Variants in GCSH observed in about 807,000 individuals in gnomAD.
GCSH encodes glycine cleavage system H protein, mitochondrial.
Under a neutral mutation model 21.3 loss-of-function variants are expected in GCSH, and 15 were observed. The observed-to-expected ratio is 0.70, with a 90% confidence interval of 0.47 to 1.08. The LOEUF (loss-of-function observed/expected upper bound fraction) is 1.08, where lower values mean the gene tolerates loss of function less well. GCSH is among the 50% of genes least tolerant of loss of function. GCSH has a pLI of 0.00. For missense variants in GCSH, 179 were observed against 217.5 expected (o/e 0.82, Z 1.11); for synonymous variants, 59 against 84.5 (o/e 0.70, Z 1.66).
At chr16:81,087,564 A>T in intron 3 of GCSH, 37 bp downstream of exon 3, 3 of 1,399,764 alleles carry the variant, frequency 2.1e-6, no homozygotes. Context: ...AACAAAATTC[A>T]TGGCATGGAT....
At chr16:81,090,471 C>G (rs1972376545) in intron 2 of GCSH, 130 bp downstream of exon 2, 2 of 720,684 alleles carry the variant, frequency 2.8e-6, no homozygotes, top group Non-Finnish European at 5.1e-6. Context: ...ATCCTCCTGC[C>G]TCAGCCTCCC....
intron 2 of GCSH, among the ~76,000 whole-genome samples, chr16:81,089,274 T>A (rs551892465): frequency 6.6e-6 from 1 of 152,332 alleles, no homozygotes; most frequent in East Asian, 1.9e-4. Context: ...ACTTAATACA[T>A]GAGCACTCCT....
At chr16:81,091,979 T>C (rs1010381858) in intron 1 of GCSH, among the ~76,000 whole-genome samples, 1 of 152,132 alleles carries the variant, frequency 6.6e-6, no homozygotes, top group Non-Finnish European at 1.5e-5. Flanking sequence ...CTAAAGTTCA[T>C]ACCCCTTCAG....
chr16:81,087,184 G>C (rs1972298754), intron 3 of GCSH, among the ~76,000 whole-genome samples: 1 of 151,932 alleles, frequency 6.6e-6, no homozygotes. Flanking sequence ...TCCTGTCTCA[G>C]CCTCTGAGTA....
chr16:81,084,303 T>C (rs923696038), intron 4 of GCSH, 160 bp downstream of exon 4: 6 of 699,162 alleles, frequency 8.6e-6, no homozygotes, highest in Non-Finnish European at 1.3e-5. Context: ...TAACTTTAAG[T>C]ATTCAACTAA....
Position 81,083,012 on chromosome 16 carries a change from C to A in GCSH, c.425-49G>T. On this transcript the variant is annotated intron_variant, in intron 4 of 4. Transcript: ENST00000315467. ...ATTCCACATTAACTTTTTAAAAAGT[C>A]AAATTCATCCAAAACGTAAAATAAA... The A allele has an allele frequency of 2.8e-6, 3 of 1,073,562 alleles. No individual in the cohort carries two copies. The South Asian group carries it at 3.7e-5, about 13-fold the overall frequency. 66.5% of individuals were successfully genotyped at this position (1,073,562 alleles called of 1,614,324 possible). A position where few individuals can be genotyped will look rare whatever the true frequency, so the allele number is the denominator to read the frequency against.
At chr16:81,091,049 TG>T (rs1972387418) in intron 1 of GCSH, 1 of 451,412 alleles carries the variant, frequency 2.2e-6, no homozygotes. Flanking sequence ...AAGACAAATT[TG>T]GGGTGATGAG....
chr16:81,091,900 G>C (rs1972407014), intron 1 of GCSH, among the ~76,000 whole-genome samples: 1 of 152,054 alleles, frequency 6.6e-6, no homozygotes, highest in Non-Finnish European at 1.5e-5. Flanking sequence ...ATAATAGTGT[G>C]TGAGCCACCG....
rs909205502 is a variant in GCSH, at chr16:81,083,008, A to T, written c.425-45T>A. 11 of 1,173,794 alleles carry T rather than the reference A, an allele frequency of 9.4e-6. No individual in the cohort carries two copies. The African/African-American group carries it at 1.7e-4, about 18-fold the overall frequency. 72.7% of individuals were successfully genotyped at this position (1,173,794 alleles called of 1,614,324 possible). On this transcript the variant is annotated intron_variant, in intron 4 of 4. Coordinates refer to ENST00000315467, the MANE Select transcript of GCSH (RefSeq NM_004483.5). ...TTATATTCCACATTAACTTTTTAAA[A>T]AGTCAAATTCATCCAAAACGTAAAA...
At chr16:81,093,151 G>T (rs1054997053) in intron 1 of GCSH, among the ~76,000 whole-genome samples, 1 of 151,508 alleles carries the variant, frequency 6.6e-6, no homozygotes, top group Non-Finnish European at 1.5e-5. Flanking sequence ...GTTGCAGAAT[G>T]ACGTGATTTT....
At chr16:81,088,250 C>T (rs1373633104) in intron 2 of GCSH, among the ~76,000 whole-genome samples, 2 of 152,094 alleles carry the variant, frequency 1.3e-5, no homozygotes. Context: ...ATAGCAAGAC[C>T]CTGTTCTCCA....
rs1047237991 is a variant in GCSH at position 81,096,160 on chromosome 16, G to C, written c.119C>G (p.Thr40Arg). ...PWQLGVGAVR[T>R]LRTGPALLSV... ...GAGCAGAGCGGGTCCAGTGCGCAGC[G>C]TACGGACGGCGCCCACCCCCAGCTG... The change falls in exon 1 of 5, where the codon ACG becomes AGG. Residue 40 changes from threonine to arginine, a missense_variant. Thr to Arg is a moderately conservative substitution (Grantham distance 71). Transcript: ENST00000315467. 1.5e-6 allele frequency: 2 copies of C among 1,314,124 alleles called. No homozygotes were observed. Among genetic ancestry groups the C allele is most frequent in the Non-Finnish European group, 1.9e-6 (2 of 1,037,668 alleles). The allele number at this position is 1,314,124 out of a possible 1,614,324, so 81.4% of individuals were successfully genotyped here.
At chr16:81,094,948 C>G (rs1972470785) in intron 1 of GCSH, among the ~76,000 whole-genome samples, 1 of 151,956 alleles carries the variant, frequency 6.6e-6, no homozygotes, top group African/African-American at 2.4e-5. Context: ...CAAAACTCAG[C>G]TGGAGGTGGT....
Position 81,084,465 on chromosome 16 carries a change from T to A in GCSH, c.422A>T (p.Asp141Val), listed in dbSNP as rs1340693619. ...AGAAATTTCTAGCAACAGCTTACCA[T>A]CTTCATAACAAGATTTGTTTACAAG... The part of the protein sequence containing the change: ...PGLVNKSCYE[D>V]GWLIKMTLSN... The change falls in exon 4 of 5, where the codon GAT (aspartate) becomes GTT (valine). Residue 141 changes from aspartate (D) to valine (V), a missense_variant and splice_region_variant. Physicochemically the swap from Asp to Val is radical, Grantham distance 152 (BLOSUM62 -3). Coordinates refer to ENST00000315467, the MANE Select transcript of GCSH (RefSeq NM_004483.5). 6.2e-7 allele frequency: 1 copy of A among 1,608,630 alleles called. No individual in the cohort carries two copies. Among genetic ancestry groups the A allele is most frequent in the South Asian group, 1.1e-5 (1 of 90,980 alleles).
At chr16:81,090,575 A>G (rs1972378239) in intron 2 of GCSH, 26 bp downstream of exon 2, 2 of 1,450,480 alleles carry the variant, frequency 1.4e-6, no homozygotes, top group Non-Finnish European at 9.7e-7. Context: ...GCACACTGGG[A>G]CAAATATTTC....
At chr16:81,094,409 G>T (rs6420418) in intron 1 of GCSH, among the ~76,000 whole-genome samples, 126,316 of 151,252 alleles carry the variant, frequency 0.84, 53,984 homozygotes, top group South Asian at 0.97. Context: ...ACAGGCTGAG[G>T]CAGGAGAAGT....
At position 81,082,575 on chromosome 16, in the gene GCSH, G is replaced by C; in HGVS notation, c.*291C>G. ...GCTTAAGAATAACAATGTTATCTTT[G>C]AATTATGTAATTTTTATAACTAGTT... On this transcript the variant is annotated 3_prime_UTR_variant, in exon 5 of 5. Coordinates refer to ENST00000315467, the MANE Select transcript of GCSH (RefSeq NM_004483.5). 2.9e-6 allele frequency: 1 copy of C among 339,194 alleles called. No individual in the cohort carries two copies. The highest frequency in any genetic ancestry group is 5.4e-6 in the Non-Finnish European group (1 of 184,004). 21.0% of individuals were successfully genotyped at this position (339,194 alleles called of 1,614,324 possible).
chr16:81,081,998 G>A lies in GCSH; in HGVS notation c.*868C>T, dbSNP rs1403220716. ...CCACTTTTATTCCCATGACTTAAGT[G>A]GAAACCTGAACGTGGTTTAACAACT... On this transcript the variant is annotated 3_prime_UTR_variant, in exon 5 of 5. Coordinates refer to ENST00000315467, the MANE Select transcript of GCSH (RefSeq NM_004483.5). The A allele has an allele frequency of 6.6e-6, 3 of 453,048 alleles. No homozygotes were observed. Among genetic ancestry groups the A allele is most frequent in the African/African-American group, 2.0e-5 (1 of 49,710 alleles). 28.1% of individuals were successfully genotyped at this position (453,048 alleles called of 1,614,324 possible). A position where few individuals can be genotyped will look rare whatever the true frequency, so the allele number is the denominator to read the frequency against.
At chr16:81,086,552 G>A (rs931443987) in intron 3 of GCSH, among the ~76,000 whole-genome samples, 6 of 151,092 alleles carry the variant, frequency 4.0e-5, no homozygotes, top group African/African-American at 9.8e-5. Flanking sequence ...GCAAGACTCC[G>A]TCTCAAAAAA....
Sources: gnomAD v4.1 joint callset for allele counts (sites outside exome capture counted in the v4.1 genomes callset) on GRCh38, gnomAD v4.1.1 for gene constraint, MANE v1.5 for transcripts, NCBI Gene and HGNC (gene_info 2026-07-23, HGNC 2026-07-21) for gene names.